CTNND2: variants seen among roughly 807,000 people sequenced by gnomAD.
CTNND2 encodes catenin delta 2.
CTNND2 carries 22 observed loss-of-function variants against 144.4 expected under a neutral mutation model. That is an observed-to-expected ratio of 0.15 (90% CI 0.11 to 0.22). The LOEUF is 0.22. Ranked by LOEUF, CTNND2 falls within the 10% of genes least tolerant of loss-of-function variation. CTNND2 has a pLI of 1.00. For synonymous variants in CTNND2, 751 were observed against 695.6 expected, an observed-to-expected ratio of 1.08 and a Z score of -1.25; for missense variants, 1,353 against 1,618.8, an observed-to-expected ratio of 0.84 and a Z score of 2.82.
intron 2 of CTNND2, among the ~76,000 whole-genome samples, chr5:11,707,964 T>C (rs968981440): frequency 2.6e-5 from 4 of 152,206 alleles, no homozygotes; most frequent in Admixed American, 2.0e-4. Flanking sequence ...ATTTTGCTAA[T>C]TGTAGGATAT....
intron 11 of CTNND2, among the ~76,000 whole-genome samples, chr5:11,188,903 T>A (rs1160796169): frequency 6.6e-6 from 1 of 152,226 alleles, no homozygotes; most frequent in Non-Finnish European, 1.5e-5. Context: ...TCATTCTAAG[T>A]AGTAAATTTC....
intron 14 of CTNND2, among the ~76,000 whole-genome samples, chr5:11,101,849 A>C (rs905044983): frequency 2.7e-5 from 4 of 150,860 alleles, no homozygotes; most frequent in Non-Finnish European, 2.9e-5. Context: ...AATGCCAGAA[A>C]AGGACTTTTT....
chr5:11,781,441 C>T (rs1438410022), intron 1 of CTNND2, among the ~76,000 whole-genome samples: 2 of 152,172 alleles, frequency 1.3e-5, no homozygotes, highest in African/African-American at 4.8e-5. Context: ...CTTTAGGAAG[C>T]TTATAATCAA....
intron 18 of CTNND2, among the ~76,000 whole-genome samples, chr5:10,998,219 T>C (rs1038479229): frequency 6.6e-6 from 1 of 152,150 alleles, no homozygotes; most frequent in African/African-American, 2.4e-5. Context: ...TGGGTTAGTA[T>C]ACAACTGAGG....
intron 1 of CTNND2, among the ~76,000 whole-genome samples, chr5:11,888,176 ATGT>A (rs1200472313): frequency 1.3e-5 from 2 of 152,250 alleles, no homozygotes; most frequent in Non-Finnish European, 2.9e-5. Context: ...CAAAAACAAA[ATGT>A]TGTTGAAACT....
chr5:11,398,196 A>G (rs1181053532), intron 5 of CTNND2, among the ~76,000 whole-genome samples: 2 of 152,242 alleles, frequency 1.3e-5, no homozygotes, highest in Non-Finnish European at 2.9e-5. Flanking sequence ...ATACACATAT[A>G]GACTATAGCA....
intron 3 of CTNND2, among the ~76,000 whole-genome samples, chr5:11,485,141 G>A (rs555600062): frequency 6.6e-6 from 1 of 152,228 alleles, no homozygotes; most frequent in East Asian, 1.9e-4. Flanking sequence ...AAAATTCATG[G>A]TAGCATCAAA....
At chr5:11,789,615 G>C (rs1455414824) in intron 1 of CTNND2, among the ~76,000 whole-genome samples, 2 of 151,826 alleles carry the variant, frequency 1.3e-5, no homozygotes, top group East Asian at 3.9e-4. Context: ...ATTTTTATTA[G>C]TTATAATAGC....
chr5:11,798,177 G>A (rs1791498164), intron 1 of CTNND2, among the ~76,000 whole-genome samples: 1 of 151,284 alleles, frequency 6.6e-6, no homozygotes, highest in Admixed American at 6.6e-5. Context: ...AAGGAGAATC[G>A]CTGGAACCCG....
chr5:11,419,517 A>C lies in CTNND2; in HGVS notation c.288-7448T>G, dbSNP rs1007883772. Among the ~76,000 whole-genome samples the C allele has an allele frequency of 3.3e-5, 5 of 152,326 alleles. No homozygotes were observed. The South Asian group carries it at 6.2e-4, about 19-fold the overall frequency. On this transcript the variant is annotated intron_variant, in intron 3 of 21. Transcript: ENST00000304623. ...TCTTTTTCCATTTCATATGTGAGAC[A>C]ACTGACAGTGTCATTTTTACAATGT... is the stretch of plus-strand genomic sequence containing the variant.
chr5:11,610,164 G>C (rs999607524), intron 2 of CTNND2, among the ~76,000 whole-genome samples: 1 of 152,162 alleles, frequency 6.6e-6, no homozygotes, highest in African/African-American at 2.4e-5. Flanking sequence ...GCTGTTCCCT[G>C]GGAATGGAGC....
At chr5:11,410,847 T>A (rs1241508425) in intron 5 of CTNND2, among the ~76,000 whole-genome samples, 1 of 152,042 alleles carries the variant, frequency 6.6e-6, no homozygotes, top group African/African-American at 2.4e-5. Context: ...CCAACAGTGA[T>A]CTCTATGAGT....
intron 11 of CTNND2, among the ~76,000 whole-genome samples, chr5:11,187,750 CATTT>C (rs1392266955): frequency 6.6e-6 from 1 of 151,946 alleles, no homozygotes; most frequent in Admixed American, 6.6e-5. Flanking sequence ...TACTTAAACA[CATTT>C]ATAAGAAAAA....
At chr5:11,276,934 G>A (rs906678749) in intron 9 of CTNND2, among the ~76,000 whole-genome samples, 5 of 152,140 alleles carry the variant, frequency 3.3e-5, no homozygotes, top group African/African-American at 1.2e-4. Flanking sequence ...CAAGGGCGTG[G>A]GCCTGCTGAT....
intron 1 of CTNND2, among the ~76,000 whole-genome samples, chr5:11,825,218 G>A (rs1293078034): frequency 1.3e-5 from 2 of 151,988 alleles, no homozygotes; most frequent in East Asian, 3.9e-4. Flanking sequence ...TAGAAGAGGT[G>A]GGAACACGCA....
intron 3 of CTNND2, among the ~76,000 whole-genome samples, chr5:11,508,624 T>G (rs1290908736): frequency 6.6e-6 from 1 of 152,040 alleles, no homozygotes; most frequent in East Asian, 1.9e-4. Flanking sequence ...TAGAAAATAT[T>G]CCCAGGGCCG....
intron 11 of CTNND2, among the ~76,000 whole-genome samples, chr5:11,187,232 C>T (rs77931394): frequency 0.059 from 8,949 of 152,158 alleles, 354 homozygotes; most frequent in Middle Eastern, 0.085. Flanking sequence ...ACTACAACTC[C>T]CTTAAAAAGA....
chr5:11,381,037 G>A (rs1382545497), intron 7 of CTNND2, among the ~76,000 whole-genome samples: 1 of 152,058 alleles, frequency 6.6e-6, no homozygotes, highest in Non-Finnish European at 1.5e-5. Flanking sequence ...CTATTCTTCT[G>A]GTTGTTGGGT....
chr5:11,829,313 G>A (rs1453423867), intron 1 of CTNND2, among the ~76,000 whole-genome samples: 1 of 152,186 alleles, frequency 6.6e-6, no homozygotes, highest in Non-Finnish European at 1.5e-5. Context: ...TGGGGAAAAT[G>A]TCTCCAGGGA....
Sources: allele counts gnomAD v4.1 joint callset (sites outside exome capture counted in the v4.1 genomes callset), GRCh38; gene constraint gnomAD v4.1.1; transcripts MANE v1.5; gene names NCBI Gene and HGNC (gene_info 2026-07-23, HGNC 2026-07-21).